The following CHRM3 variants were observed in gnomAD, a reference collection of about 807,000 sequenced individuals.
CHRM3 encodes the protein cholinergic receptor muscarinic 3, also known as muscarinic acetylcholine receptor M3.
CHRM3 carries 11 observed loss-of-function variants against 41.8 expected under a neutral mutation model. The ratio of observed to expected loss-of-function variants is 0.26; its 90% CI spans 0.17 to 0.44. The LOEUF is 0.44. Among genes scored for constraint, CHRM3 ranks in the 20% least tolerant of loss-of-function variants. The probability of loss-of-function intolerance (pLI) is 1.00; values close to 1 mark genes in which losing one functional copy is unlikely to be tolerated. For synonymous variants in CHRM3, 297 were observed against 301.4 expected (o/e 0.99, Z 0.15); for missense variants, 571 against 745.4 (o/e 0.77, Z 2.72).
intron 5 of CHRM3, among the ~76,000 whole-genome samples, chr1:239,755,767 G>A (rs1156776602): frequency 6.6e-6 from 1 of 152,138 alleles, no homozygotes; most frequent in African/African-American, 2.4e-5. Flanking sequence ...CCATACTGGA[G>A]CAAGCCAGAG....
intron 1 of CHRM3, among the ~76,000 whole-genome samples, chr1:239,409,469 C>T (rs1189829365): frequency 3.3e-5 from 5 of 152,120 alleles, no homozygotes; most frequent in Admixed American, 6.6e-5. Context: ...GGACAGGGCG[C>T]GGGATCTCAG....
At chr1:239,400,884 A>G (rs988201284) in intron 1 of CHRM3, among the ~76,000 whole-genome samples, 9 of 152,168 alleles carry the variant, frequency 5.9e-5, no homozygotes, top group South Asian at 4.1e-4. Flanking sequence ...TTTTTTATAT[A>G]TACATAAAAG....
chr1:239,638,479 A>C (rs1419560092), intron 4 of CHRM3, among the ~76,000 whole-genome samples: 2 of 152,026 alleles, frequency 1.3e-5, no homozygotes, highest in African/African-American at 4.8e-5. Flanking sequence ...ATGTTATCTC[A>C]TTGTGGTTTT....
intron 3 of CHRM3, among the ~76,000 whole-genome samples, chr1:239,556,873 A>G (rs1486116011): frequency 1.3e-5 from 2 of 152,210 alleles, no homozygotes; most frequent in African/African-American, 2.4e-5. Context: ...CATAGAAGAA[A>G]GCAAATGCGT....
At chr1:239,815,772 C>A (rs892589570) in intron 5 of CHRM3, among the ~76,000 whole-genome samples, 2 of 152,116 alleles carry the variant, frequency 1.3e-5, no homozygotes, top group African/African-American at 4.8e-5. Flanking sequence ...CATATTGGGA[C>A]CTGTATTTGA....
chr1:239,835,025 T>C (rs1673197569), intron 6 of CHRM3, among the ~76,000 whole-genome samples: 5 of 152,196 alleles, frequency 3.3e-5, no homozygotes, highest in Admixed American at 2.6e-4. Context: ...TTTTCATTAC[T>C]TGGAGATTTT....
In CHRM3 at chr1:239,895,379, C is replaced by G. The variant is rs74600999; in HGVS notation, c.-19-12054C>G. ...TCCAGTCCTCTGCTCTCCATCCTTC[C>G]AAGTTACTGCTCATCGGACACAACC... is the stretch of plus-strand genomic sequence containing the variant. On this transcript the variant is annotated intron_variant, in intron 6 of 6. Coordinates refer to ENST00000676153, the MANE Select transcript of CHRM3 (RefSeq NM_001375978.1). 3.8e-3 allele frequency among the ~76,000 whole-genome samples: 577 copies of G among 152,340 alleles called. 5 individuals carry two copies. Among genetic ancestry groups the G allele is most frequent in the African/African-American group, 0.014 (565 of 41,568 alleles).
chr1:239,860,486 G>A (rs671780), intron 6 of CHRM3, among the ~76,000 whole-genome samples: 73,950 of 152,014 alleles, frequency 0.49, 19,596 homozygotes, highest in Non-Finnish European at 0.58. Context: ...TGAAATGCCT[G>A]GGACCAGAAG....
chr1:239,748,981 G>A lies in CHRM3; in HGVS notation c.-147+70693G>A, dbSNP rs536203630. 3.3e-4 allele frequency among the ~76,000 whole-genome samples: 50 copies of A among 152,240 alleles called. No individual in the cohort carries two copies. The highest frequency in any genetic ancestry group is 1.1e-3 in the African/African-American group (46 of 41,554). ...CAGTACTGAAATGCTCAGGAAAGAC[G>A]GCTTCTCATTATGGTGCAGGTAGGG... On this transcript the variant is annotated intron_variant, in intron 5 of 6. Coordinates refer to ENST00000676153, the MANE Select transcript of CHRM3 (RefSeq NM_001375978.1). This position sits in a 1 kb window ranked among gnomAD's most constrained non-coding sequence, Gnocchi z 4.3.
chr1:239,748,370 A>G lies in CHRM3; in HGVS notation c.-147+70082A>G, dbSNP rs573040257. Among the ~76,000 whole-genome samples, 163 of 152,012 alleles carry G rather than the reference A, an allele frequency of 1.1e-3. No homozygotes were observed. The highest frequency in any genetic ancestry group is 3.8e-3 in the African/African-American group (158 of 41,466). The stretch of plus-strand genomic sequence containing the variant: ...GAATCTTATTGACACTTCTTTTTTA[A>G]CTCTCAGACTGATCAATTTCCCATT... On this transcript the variant is annotated intron_variant, in intron 5 of 6. Coordinates refer to ENST00000676153, the MANE Select transcript of CHRM3 (RefSeq NM_001375978.1). The surrounding 1 kb of genome is among the most constrained non-coding windows in gnomAD (Gnocchi z 4.3).
At chr1:239,496,860 G>C (rs1667921072) in intron 2 of CHRM3, among the ~76,000 whole-genome samples, 2 of 151,952 alleles carry the variant, frequency 1.3e-5, no homozygotes, top group Admixed American at 1.3e-4. Flanking sequence ...AATTGCCTTT[G>C]GAAATCTCAC....
At chr1:239,813,928 A>AAAAAAAAAAAAAAC (rs1558146322) in intron 5 of CHRM3, among the ~76,000 whole-genome samples, 4 of 147,088 alleles carry the variant, frequency 2.7e-5, no homozygotes, top group African/African-American at 8.1e-5. Context: ...AAAAAAAAAA[A>AAAAAAAAAAAAAAC]AAAAAACTCA....
chr1:239,892,899 G>T (rs951369315), intron 6 of CHRM3, among the ~76,000 whole-genome samples: 2 of 152,142 alleles, frequency 1.3e-5, no homozygotes, highest in African/African-American at 2.4e-5. Flanking sequence ...AGATTTATTT[G>T]CACTGAATAG....
At position 239,907,159 on chromosome 1, in the gene CHRM3, T is replaced by C. The variant is rs1258185026; in HGVS notation, c.-19-274T>C. Among the ~76,000 whole-genome samples the C allele has an allele frequency of 6.6e-6, 1 of 152,212 alleles. No homozygotes were observed. Among genetic ancestry groups the C allele is most frequent in the Admixed American group, 6.5e-5 (1 of 15,280 alleles). On this transcript the variant is annotated intron_variant, in intron 6 of 6. Coordinates refer to ENST00000676153, the MANE Select transcript of CHRM3 (RefSeq NM_001375978.1). The surrounding 1 kb of genome is among the most constrained non-coding windows in gnomAD (Gnocchi z 5.4). ...AGGGCGATTTTGTCTAGTAACAGAA[T>C]TACATGGAATATATTTAGAAATGAG...
intron 5 of CHRM3, among the ~76,000 whole-genome samples, chr1:239,696,405 A>G (rs1660195717): frequency 6.6e-6 from 1 of 151,792 alleles, no homozygotes; most frequent in Non-Finnish European, 1.5e-5. Flanking sequence ...TGAAGCGTGG[A>G]CACTGGTGCC....
chr1:239,645,367 A>G (rs535889323), intron 4 of CHRM3, among the ~76,000 whole-genome samples: 1 of 152,354 alleles, frequency 6.6e-6, no homozygotes, highest in South Asian at 2.1e-4. Flanking sequence ...GAGATAGTAA[A>G]TGCAATAGTC....
intron 5 of CHRM3, among the ~76,000 whole-genome samples, chr1:239,699,170 T>C (rs1253280822): frequency 6.6e-6 from 1 of 152,166 alleles, no homozygotes; most frequent in Non-Finnish European, 1.5e-5. Flanking sequence ...ATTAAAAGTA[T>C]GTTCTGTTTT....
At chr1:239,411,493 G>A (rs1475524121) in intron 1 of CHRM3, among the ~76,000 whole-genome samples, 9 of 151,938 alleles carry the variant, frequency 5.9e-5, no homozygotes, top group East Asian at 3.9e-4. Context: ...TTGGGAGGCC[G>A]AGGTGGGTGG....
At chr1:239,493,005 A>G (rs79656461) in intron 2 of CHRM3, among the ~76,000 whole-genome samples, 198 bp downstream of exon 2, 9,764 of 152,240 alleles carry the variant, frequency 0.064, 711 homozygotes, top group African/African-American at 0.18. Flanking sequence ...AAGTTCCTCC[A>G]TTTACAGGTG....
Sources: allele counts gnomAD v4.1 joint callset (sites outside exome capture counted in the v4.1 genomes callset), GRCh38; gene constraint gnomAD v4.1.1; non-coding constraint Gnocchi (gnomAD v3.1); transcripts MANE v1.5; gene names NCBI Gene and HGNC (gene_info 2026-07-23, HGNC 2026-07-21).